The following ZBBX variants were observed in gnomAD, a reference collection of about 807,000 sequenced individuals.
ZBBX encodes the protein zinc finger B-box domain-containing protein 1.
ZBBX carries 101 observed loss-of-function variants against 108.5 expected under a neutral mutation model. The observed-to-expected ratio is 0.93, with a 90% CI of 0.79 to 1.10. The LOEUF (loss-of-function observed/expected upper bound fraction) is 1.10. ZBBX is among the 50% of genes least tolerant of loss of function. ZBBX has a pLI of 0.00. For missense variants in ZBBX, 1,009 were observed against 941.4 expected (o/e 1.07, Z -0.94); for synonymous variants, 356 against 323.4 (o/e 1.10, Z -1.08).
At chr3:167,220,719 T>C in the ZBBX span, among the ~76,000 whole-genome samples, 111 of 151,944 alleles carry the variant, frequency 7.3e-4, no homozygotes, top group African/African-American at 2.5e-3. Context: ...GTACTAGAAG[T>C]CCTAGCTAGA....
chr3:167,330,973 C>CT (rs1377045353), intron 10 of ZBBX, among the ~76,000 whole-genome samples: 34 of 148,976 alleles, frequency 2.3e-4, no homozygotes, highest in African/African-American at 3.2e-4. Flanking sequence ...CTCCCCCACT[C>CT]CCCTTCTGTA....
chr3:167,360,075 G>T, intron 7 of ZBBX, 96 bp from the exon 8 acceptor site: 1 of 458,834 alleles, frequency 2.2e-6, no homozygotes, highest in Non-Finnish European at 3.6e-6. Flanking sequence ...TCCCATCTCT[G>T]TATCAAACTG....
chr3:167,270,516 G>C (rs529281328), intron 20 of ZBBX, among the ~76,000 whole-genome samples: 55 of 152,258 alleles, frequency 3.6e-4, no homozygotes, highest in African/African-American at 1.2e-3. Flanking sequence ...TCACCTTTTT[G>C]TCAGTGTAAA....
chr3:167,353,200 A>T (rs1267255911), intron 8 of ZBBX, among the ~76,000 whole-genome samples: 1 of 152,120 alleles, frequency 6.6e-6, no homozygotes, highest in East Asian at 1.9e-4. Context: ...TTTGCTAATG[A>T]TGTTATCTTA....
the ZBBX span, among the ~76,000 whole-genome samples, chr3:167,196,008 G>GT: frequency 6.6e-6 from 1 of 152,030 alleles, no homozygotes; most frequent in Non-Finnish European, 1.5e-5. Flanking sequence ...CCATTCCCAG[G>GT]TATCTTCTCA....
rs1450334865 is a variant in ZBBX at position 167,315,666 on chromosome 3, T to G, written c.1274+84A>C. 1.2e-5 allele frequency: 12 copies of G among 989,692 alleles called. No homozygotes were observed. The East Asian group carries it at 2.9e-4, about 24-fold the overall frequency. The allele number at this position is 989,692 out of a possible 1,614,324, so 61.3% of individuals were successfully genotyped here. On this transcript the variant is annotated intron_variant, in intron 15 of 21. Transcript: ENST00000675490. ...TCACATGTTTTTTCACACCACATAT[T>G]TCACATTTAAAAAGACAGATGATTT...
At chr3:167,276,547 A>C (rs972900548) in intron 20 of ZBBX, among the ~76,000 whole-genome samples, 26 of 152,180 alleles carry the variant, frequency 1.7e-4, no homozygotes, top group Non-Finnish European at 3.5e-4. Context: ...TTAGAGAAAA[A>C]AGAATAAAAA....
At chr3:167,252,126 C>T in intron 20 of ZBBX, 3 of 1,286,142 alleles carry the variant, frequency 2.3e-6, no homozygotes, top group Non-Finnish European at 3.0e-6. Context: ...AACTGTTTAC[C>T]TAATGTAGTT....
At chr3:167,298,180 C>T in intron 18 of ZBBX, 125 bp downstream of exon 18, 1 of 636,330 alleles carries the variant, frequency 1.6e-6, no homozygotes. Flanking sequence ...AAATATATGG[C>T]AACTAATACA....
chr3:167,307,366 A>G (rs1733832071), intron 16 of ZBBX, among the ~76,000 whole-genome samples: 1 of 152,196 alleles, frequency 6.6e-6, no homozygotes, highest in South Asian at 2.1e-4. Flanking sequence ...TGCTAAATCC[A>G]GAAAACCCCA....
rs138122467 is a variant in ZBBX, at chr3:167,240,856, C to A, written c.2457G>T (p.Glu819Asp). 1.4e-4 allele frequency: 224 copies of A among 1,613,626 alleles called. No homozygotes were observed. In the African/African-American group the frequency reaches 2.7e-3, roughly 19 times the overall value. ...GCTTGTTGAGAAAATCTTCCTCCTC[C>A]TCATCTGTACTGCTCTCAGAAAGTG... Reference protein sequence around the residue: ...LLSLSESSTDEEEEDFLNKQH... With the variant: ...LLSLSESSTDDEEEDFLNKQH... Residue 819 changes from glutamate to aspartate, a missense_variant, in exon 22 of 22, where the codon GAG (glutamate) becomes GAT (aspartate). Coordinates refer to ENST00000675490, the MANE Select transcript of ZBBX (RefSeq NM_001199201.2).
At chr3:167,301,760 A>T (rs1732715263) in intron 17 of ZBBX, among the ~76,000 whole-genome samples, 1 of 152,094 alleles carries the variant, frequency 6.6e-6, no homozygotes, top group Non-Finnish European at 1.5e-5. Flanking sequence ...GATCGAGACC[A>T]TCCTGGCTAA....
At chr3:167,388,345 G>A (rs1183239406) in intron 1 of ZBBX, among the ~76,000 whole-genome samples, 1 of 151,838 alleles carries the variant, frequency 6.6e-6, no homozygotes, top group East Asian at 1.9e-4. Flanking sequence ...CCAAAATAAG[G>A]GGTTTGCATC....
chr3:167,231,128 G>T, the ZBBX span, among the ~76,000 whole-genome samples: 1 of 151,764 alleles, frequency 6.6e-6, no homozygotes, highest in Admixed American at 6.6e-5. Context: ...GAAAATTTAC[G>T]ATTCTGTTTT....
At position 167,273,452 on chromosome 3, in the gene ZBBX, A is replaced by G. The variant is rs577347318; in HGVS notation, c.2254+8786T>C. 2.0e-5 allele frequency among the ~76,000 whole-genome samples: 3 copies of G among 152,188 alleles called. No homozygotes were observed. In the East Asian group the frequency reaches 5.8e-4, roughly 30 times the overall value. On this transcript the variant is annotated intron_variant, in intron 20 of 21. Transcript: ENST00000675490. ...GCAAGCTCTCTCTCTGCTATATCCC[A>G]AAGTGCAACACCCTGTGGGTCAGCC...
intron 8 of ZBBX, among the ~76,000 whole-genome samples, chr3:167,353,217 G>C (rs1307416453): frequency 6.6e-6 from 1 of 152,014 alleles, no homozygotes; most frequent in African/African-American, 2.4e-5. Context: ...CTTATGCCTA[G>C]AAAACCCTAA....
At chr3:167,182,082 C>A in the ZBBX span, among the ~76,000 whole-genome samples, 3 of 152,180 alleles carry the variant, frequency 2.0e-5, no homozygotes, top group African/African-American at 7.2e-5. Flanking sequence ...CCAGACTCAG[C>A]AGTTTTCTTT....
chr3:167,406,266 TG>T (rs1364831678), intron 1 of ZBBX, among the ~76,000 whole-genome samples: 1 of 152,242 alleles, frequency 6.6e-6, no homozygotes, highest in Non-Finnish European at 1.5e-5. Flanking sequence ...AAAGGCAATT[TG>T]GACAAAAGCC....
chr3:167,333,703 T>C, intron 10 of ZBBX, 124 bp downstream of exon 10: 1 of 878,670 alleles, frequency 1.1e-6, no homozygotes, highest in Non-Finnish European at 1.6e-6. Flanking sequence ...GAAGAACAAA[T>C]CCATATGAAA....
Sources: allele counts gnomAD v4.1 joint callset (sites outside exome capture counted in the v4.1 genomes callset), GRCh38; gene constraint gnomAD v4.1.1; transcripts MANE v1.5; gene names NCBI Gene and HGNC (gene_info 2026-07-23, HGNC 2026-07-21).